Variants in RAB8A observed in about 807,000 individuals in gnomAD.
RAB8A encodes the protein ras-related protein Rab-8A.
A neutral mutation model predicts 29.2 loss-of-function variants in RAB8A; 5 were observed. The observed-to-expected ratio is 0.17, with a 90% CI of 0.09 to 0.36. The LOEUF (loss-of-function observed/expected upper bound fraction) is 0.36. Ranked by LOEUF, RAB8A falls within the 10% of genes least tolerant of loss-of-function variation. RAB8A has a pLI of 1.00. For synonymous variants in RAB8A, 108 were observed against 99.9 expected, an observed-to-expected ratio of 1.08 and a Z score of -0.49; for missense variants, 171 against 272.2, an observed-to-expected ratio of 0.63 and a Z score of 2.62.
In RAB8A at chr19:16,118,791, C is replaced by T. The variant is rs930852664; in HGVS notation, c.185+505C>T. 1.6e-4 allele frequency among the ~76,000 whole-genome samples: 25 copies of T among 152,328 alleles called. 1 individual carries two copies. In the South Asian group the frequency reaches 2.5e-3, roughly 15 times the overall value. ...ACCGAAACCCCAAACCGAAATTAAG[C>T]GGAGGGCCGGGCCCCATGTTGAGAC... On this transcript the variant is annotated intron_variant, in intron 2 of 7. Coordinates refer to ENST00000300935, the MANE Select transcript of RAB8A (RefSeq NM_005370.5).
rs376957977 is a variant in RAB8A, at chr19:16,125,414, C to A, written c.247-56C>A. ...CCACTGTTCTCTGGTGCCGCTGAGG[C>A]CTCCCTTCCAGAGCCTGCAGCCGAT... is the stretch of plus-strand genomic sequence containing the variant. On this transcript the variant is annotated intron_variant, in intron 3 of 7. Transcript: ENST00000300935. This position sits in a 1 kb window ranked among gnomAD's most constrained non-coding sequence, Gnocchi z 5.0. The A allele has an allele frequency of 2.0e-6, 3 of 1,490,076 alleles. No homozygotes were observed. Among genetic ancestry groups the A allele is most frequent in the Admixed American group, 1.7e-5 (1 of 58,652 alleles). 92.3% of individuals were successfully genotyped at this position (1,490,076 alleles called of 1,614,324 possible). A position where few individuals can be genotyped will look rare whatever the true frequency, so the allele number is the denominator to read the frequency against.
rs2144999189 is a variant in RAB8A, at chr19:16,132,081, G to GTTGA, written c.532-128_532-127insATTG. 1.4e-6 allele frequency: 1 copy of GTTGA among 692,802 alleles called. No homozygotes were observed. The highest frequency in any genetic ancestry group is 2.5e-6 in the Non-Finnish European group (1 of 400,034). 42.9% of individuals were successfully genotyped at this position (692,802 alleles called of 1,614,324 possible). On this transcript the variant is annotated intron_variant, in intron 7 of 7. Transcript: ENST00000300935. This position sits in a 1 kb window ranked among gnomAD's most constrained non-coding sequence, Gnocchi z 5.6. Reference sequence around the variant, plus strand: ...CTGGTTTGATTGGTTTGGTTGTTTGGTTGGTTGGTTGGTTGGTTGGTTGGA... The same window carrying GTTGA: ...CTGGTTTGATTGGTTTGGTTGTTTGGTTGATTGGTTGGTTGGTTGGTTGGTTGGA...
In RAB8A at chr19:16,114,377, C is replaced by CT. The variant is rs35265465; in HGVS notation, c.124+2371dup. Among the ~76,000 whole-genome samples the CT allele has an allele frequency of 5.4e-3, 628 of 117,134 alleles. 2 individuals carry two copies. The highest frequency in any genetic ancestry group is 0.014 in the Middle Eastern group (3 of 218). 76.8% of individuals were successfully genotyped at this position (117,134 alleles called of 152,430 possible). A position where few individuals can be genotyped will look rare whatever the true frequency, so the allele number is the denominator to read the frequency against. On this transcript the variant is annotated intron_variant, in intron 1 of 7. Coordinates refer to ENST00000300935, the MANE Select transcript of RAB8A (RefSeq NM_005370.5). ...CCCAGCCTTCCCCACAAACCCCCCT[C>CT]TTTTTTTTTTTTTTTTTTTGAGACA...
chr19:16,120,773 C>A (rs1312538847), intron 2 of RAB8A, among the ~76,000 whole-genome samples: 2 of 151,700 alleles, frequency 1.3e-5, no homozygotes, highest in Admixed American at 1.3e-4. Context: ...ATCATGCCCG[C>A]CTAATTTTTG....
intron 2 of RAB8A, among the ~76,000 whole-genome samples, chr19:16,119,227 C>T (rs944137316): frequency 6.6e-5 from 10 of 151,848 alleles, no homozygotes; most frequent in African/African-American, 2.4e-4. Flanking sequence ...TTTTTTGAGA[C>T]GGAGTTTCGC....
In RAB8A at chr19:16,132,476, G is replaced by A. The variant is rs1787445455; in HGVS notation, c.*172G>A. Reference sequence around the variant, plus strand: ...AAATCGTTTATTTTAGTAACTGTCTGATCTTTTTCAACTTTGGAGATGGAA... The same window carrying A: ...AAATCGTTTATTTTAGTAACTGTCTAATCTTTTTCAACTTTGGAGATGGAA... On this transcript the variant is annotated 3_prime_UTR_variant, in exon 8 of 8. Coordinates refer to ENST00000300935, the MANE Select transcript of RAB8A (RefSeq NM_005370.5). The surrounding 1 kb of genome is among the most constrained non-coding windows in gnomAD (Gnocchi z 5.6). 4 of 623,652 alleles carry A rather than the reference G, an allele frequency of 6.4e-6. No individual in the cohort carries two copies. The highest frequency in any genetic ancestry group is 6.0e-5 in the Admixed American group (2 of 33,258). The allele number at this position is 623,652 out of a possible 1,614,324, so 38.6% of individuals were successfully genotyped here. A position where few individuals can be genotyped will look rare whatever the true frequency, so the allele number is the denominator to read the frequency against.
chr19:16,128,603 C>T (rs367663306), intron 6 of RAB8A, among the ~76,000 whole-genome samples: 8 of 152,178 alleles, frequency 5.3e-5, no homozygotes, highest in African/African-American at 1.7e-4. Context: ...ATATCACTCC[C>T]GACCTAAAGT....
Position 16,127,636 on chromosome 19 carries a change from C to T in RAB8A, c.414+110C>T, listed in dbSNP as rs2090907886. 5.8e-6 allele frequency: 5 copies of T among 863,814 alleles called. No individual in the cohort carries two copies. In the Admixed American group the frequency reaches 1.5e-4, roughly 26 times the overall value. The allele number at this position is 863,814 out of a possible 1,614,324, so 53.5% of individuals were successfully genotyped here. A position where few individuals can be genotyped will look rare whatever the true frequency, so the allele number is the denominator to read the frequency against. On this transcript the variant is annotated intron_variant, in intron 5 of 7. Transcript: ENST00000300935. The surrounding 1 kb of genome is among the most constrained non-coding windows in gnomAD (Gnocchi z 4.8). Reference sequence around the variant, plus strand: ...AGGGGCCTGAGACGAGTTGGTCACCCCAGTGGGGCACGTGCCATGGGATGA... The same window carrying T: ...AGGGGCCTGAGACGAGTTGGTCACCTCAGTGGGGCACGTGCCATGGGATGA...
At chr19:16,124,285 C>T (rs568666664) in intron 3 of RAB8A, 10 of 152,264 alleles carry the variant, frequency 6.6e-5, no homozygotes, top group African/African-American at 2.4e-4. Context: ...GTTGCAGTGA[C>T]TTTCTTGCCC....
rs1365516913 is a variant in RAB8A at position 16,121,943 on chromosome 19, A to C, written c.246+133A>C. The C allele has an allele frequency of 3.7e-6, 3 of 817,516 alleles. No individual in the cohort carries two copies. In the African/African-American group the frequency reaches 5.1e-5, roughly 14 times the overall value. 50.6% of individuals were successfully genotyped at this position (817,516 alleles called of 1,614,324 possible). A position where few individuals can be genotyped will look rare whatever the true frequency, so the allele number is the denominator to read the frequency against. Reference sequence around the variant, plus strand: ...AACTCCTCAGGGCTCCTTGGTCCCAAGTTAGTCTTAGGAACAGGCTTTGTG... The same window carrying C: ...AACTCCTCAGGGCTCCTTGGTCCCACGTTAGTCTTAGGAACAGGCTTTGTG... On this transcript the variant is annotated intron_variant, in intron 3 of 7. Coordinates refer to ENST00000300935, the MANE Select transcript of RAB8A (RefSeq NM_005370.5).
chr19:16,114,816 A>T (rs1200161452), intron 1 of RAB8A, among the ~76,000 whole-genome samples: 1 of 57,792 alleles, frequency 1.7e-5, no homozygotes, highest in African/African-American at 7.1e-5. Flanking sequence ...CCTCCCTCCC[A>T]CCCCTTCATT....
At chr19:16,131,550 G>A (rs2090924315) in intron 7 of RAB8A, among the ~76,000 whole-genome samples, 1 of 151,424 alleles carries the variant, frequency 6.6e-6, no homozygotes, top group Non-Finnish European at 1.5e-5. Context: ...GAAGGAGATG[G>A]TTAGTTGGAA....
chr19:16,116,209 G>A (rs78763370), intron 1 of RAB8A, among the ~76,000 whole-genome samples: 1,936 of 152,216 alleles, frequency 0.013, 47 homozygotes, highest in African/African-American at 0.044. Context: ...TCAAAGCCCC[G>A]AGTCAGGAGC....
Position 16,125,428 on chromosome 19 carries a change from C to T in RAB8A, c.247-42C>T, listed in dbSNP as rs1209803631. On this transcript the variant is annotated intron_variant, in intron 3 of 7. Coordinates refer to ENST00000300935, the MANE Select transcript of RAB8A (RefSeq NM_005370.5). This position sits in a 1 kb window ranked among gnomAD's most constrained non-coding sequence, Gnocchi z 5.0. ...TGCCGCTGAGGCCTCCCTTCCAGAGCCTGCAGCCGATCAGGCACCTGTGTC... is the reference window on the plus strand; with the variant it reads ...TGCCGCTGAGGCCTCCCTTCCAGAGTCTGCAGCCGATCAGGCACCTGTGTC... 2 of 1,566,200 alleles carry T rather than the reference C, an allele frequency of 1.3e-6. No individual in the cohort carries two copies. Among genetic ancestry groups the T allele is most frequent in the Admixed American group, 1.7e-5 (1 of 59,552 alleles).
chr19:16,131,314 C>T (rs80023698), intron 7 of RAB8A, among the ~76,000 whole-genome samples: 12,395 of 152,114 alleles, frequency 0.081, 671 homozygotes, highest in Non-Finnish European at 0.12. Flanking sequence ...TTCTGAAAAA[C>T]GAATTATCAG....
In RAB8A at chr19:16,127,623, C is replaced by T. The variant is rs2090907807; in HGVS notation, c.414+97C>T. On this transcript the variant is annotated intron_variant, in intron 5 of 7. Coordinates refer to ENST00000300935, the MANE Select transcript of RAB8A (RefSeq NM_005370.5). This position sits in a 1 kb window ranked among gnomAD's most constrained non-coding sequence, Gnocchi z 4.8. ...CCTCCTCTGCCCCAGGGGCCTGAGA[C>T]GAGTTGGTCACCCCAGTGGGGCACG... 5 of 1,012,036 alleles carry T rather than the reference C, an allele frequency of 4.9e-6. No individual in the cohort carries two copies. Among genetic ancestry groups the T allele is most frequent in the Non-Finnish European group, 5.6e-6 (4 of 715,422 alleles). 62.7% of individuals were successfully genotyped at this position (1,012,036 alleles called of 1,614,324 possible). A position where few individuals can be genotyped will look rare whatever the true frequency, so the allele number is the denominator to read the frequency against.
Position 16,129,611 on chromosome 19 carries a change from G to A in RAB8A, c.531+7G>A. The stretch of plus-strand genomic sequence containing the variant: ...AAAAATGGACAAAAAATTGGTGAGT[G>A]TGTGTCCTTCCGAGATCCCCGGGTG... On this transcript the variant is annotated splice_region_variant and intron_variant, in intron 7 of 7. Transcript: ENST00000300935. The A allele has an allele frequency of 6.2e-7, 1 of 1,613,748 alleles. No homozygotes were observed. The highest frequency in any genetic ancestry group is 8.5e-7 in the Non-Finnish European group (1 of 1,179,834).
intron 1 of RAB8A, among the ~76,000 whole-genome samples, chr19:16,116,563 A>T (rs2144984503): frequency 6.6e-6 from 1 of 152,286 alleles, no homozygotes; most frequent in Non-Finnish European, 1.5e-5. Context: ...GCACGGTGGC[A>T]CAGTGGCTCA....
chr19:16,112,690 T>C (rs1251207577), intron 1 of RAB8A: 1 of 153,020 alleles, frequency 6.5e-6, no homozygotes, highest in Non-Finnish European at 1.5e-5. Flanking sequence ...GATGACAAGC[T>C]CAGCTAATGC....
Sources: allele counts gnomAD v4.1 joint callset (sites outside exome capture counted in the v4.1 genomes callset), GRCh38; gene constraint gnomAD v4.1.1; non-coding constraint Gnocchi (gnomAD v3.1); transcripts MANE v1.5; gene names NCBI Gene and HGNC (gene_info 2026-07-23, HGNC 2026-07-21).